The following TAB1 variants were observed in gnomAD, a reference collection of about 807,000 sequenced individuals.
TAB1 encodes TGF-beta activated kinase 1 (MAP3K7) binding protein 1, also known as TGF-beta-activated kinase 1 and MAP3K7-binding protein 1.
A neutral mutation model predicts 54.5 loss-of-function variants in TAB1; 30 were observed. The ratio of observed to expected loss-of-function variants is 0.55; its 90% CI spans 0.41 to 0.75. The LOEUF (loss-of-function observed/expected upper bound fraction) is 0.75. Ranked by LOEUF, TAB1 falls within the 30% of genes least tolerant of loss-of-function variation. The pLI is 0.00. For missense variants in TAB1, 609 were observed against 683.2 expected, an observed-to-expected ratio of 0.89 and a Z score of 1.21; for synonymous variants, 289 against 286.9, an observed-to-expected ratio of 1.01 and a Z score of -0.07.
In TAB1 at chr22:39,430,116, T is replaced by C. The variant is rs764892092; in HGVS notation, c.1409T>C (p.Leu470Pro). ...GLFRSRPAHS[L>P]PPGEDGRVEP... is the part of the protein sequence containing the mutation. The stretch of plus-strand genomic sequence containing the variant: ...TTCCGCTCCCGGCCCGCCCACTCGC[T>C]CCCGCCTGGCGAGGACGGTCGTGTT... Residue 470 changes from leucine to proline, a missense_variant, in exon 11 of 11, where the codon CTC becomes CCC. Transcript: ENST00000216160. The C allele has an allele frequency of 1.2e-6, 2 of 1,613,930 alleles. No homozygotes were observed. The highest frequency in any genetic ancestry group is 2.7e-5 in the African/African-American group (2 of 74,940).
intron 6 of TAB1, among the ~76,000 whole-genome samples, 196 bp downstream of exon 6, chr22:39,419,041 C>G (rs1349343935): frequency 6.6e-6 from 1 of 152,202 alleles, no homozygotes; most frequent in African/African-American, 2.4e-5. Context: ...CTCAGATCCC[C>G]CGCTGTGTAA....
chr22:39,415,422 C>A lies in TAB1; in HGVS notation c.171-78C>A. On this transcript the variant is annotated intron_variant, in intron 2 of 10. Coordinates refer to ENST00000216160, the MANE Select transcript of TAB1 (RefSeq NM_006116.3). The surrounding 1 kb of genome is among the most constrained non-coding windows in gnomAD (Gnocchi z 4.9). ...TGCAGCTGCTGTCGCTTTAGTCTCC[C>A]CCAATTCCTTTCCCTTTCTCCCTCC... The A allele has an allele frequency of 6.4e-7, 1 of 1,550,614 alleles. No homozygotes were observed. Among genetic ancestry groups the A allele is most frequent in the Non-Finnish European group, 8.8e-7 (1 of 1,130,986 alleles).
At chr22:39,422,445 G>C (rs1196720966) in intron 8 of TAB1, among the ~76,000 whole-genome samples, 4 of 118,270 alleles carry the variant, frequency 3.4e-5, no homozygotes, top group Non-Finnish European at 6.4e-5. Context: ...GTCTCCCTCT[G>C]TCACGCAGGC....
intron 5 of TAB1, among the ~76,000 whole-genome samples, chr22:39,418,419 C>G (rs1276598843): frequency 7.2e-5 from 11 of 152,182 alleles, no homozygotes; most frequent in Admixed American, 7.2e-4. Context: ...TTCTTTGTCC[C>G]CACGTTCTCT....
In TAB1 at chr22:39,428,027, GA is replaced by G. The variant is rs768169270; in HGVS notation, c.1152del (p.Gly385AspfsTer21). 1 of 1,592,060 alleles carries G rather than the reference GA, an allele frequency of 6.3e-7. No homozygotes were observed. On this transcript the variant is annotated frameshift_variant, in exon 10 of 11. Coordinates refer to ENST00000216160, the MANE Select transcript of TAB1 (RefSeq NM_006116.3). LOFTEE classifies it high-confidence loss of function. ...QPTPSPAPAA[G>X]GRVYPVSVPY... ...CACTCTCTTCCTCCCAAAGCTGCAG[GA>G]GGACGAGTGTACCCTGTGTCTGTGC...
intron 10 of TAB1, chr22:39,429,256 GGGGA>G (rs2145684181): frequency 1.0e-6 from 1 of 985,444 alleles, no homozygotes; most frequent in Admixed American, 6.1e-5. Context: ...AGAGATTGAA[GGGGA>G]GGGGGGCGAA....
At chr22:39,407,422 C>T (rs1490848439) in intron 1 of TAB1, among the ~76,000 whole-genome samples, 4 of 152,050 alleles carry the variant, frequency 2.6e-5, no homozygotes, top group African/African-American at 9.7e-5. Context: ...GGGCTAACAC[C>T]TCCAGTTCTG....
Position 39,407,811 on chromosome 22 carries a change from G to A in TAB1, c.34-7195G>A, listed in dbSNP as rs189045368. Among the ~76,000 whole-genome samples the A allele has an allele frequency of 2.1e-3, 322 of 151,996 alleles. 1 individual carries two copies. The highest frequency in any genetic ancestry group is 6.8e-3 in the African/African-American group (282 of 41,448). On this transcript the variant is annotated intron_variant, in intron 1 of 10. Coordinates refer to ENST00000216160, the MANE Select transcript of TAB1 (RefSeq NM_006116.3). ...AATTTTTTGTATTTTTAGTAGAGAC[G>A]GGTTTTCACCATGTTAGCCAGGATG...
In TAB1 at chr22:39,430,831, G is replaced by C; in HGVS notation, c.*609G>C. On this transcript the variant is annotated 3_prime_UTR_variant, in exon 11 of 11. Coordinates refer to ENST00000216160, the MANE Select transcript of TAB1 (RefSeq NM_006116.3). ...CTGGGGCCTGGGATGGCCACAGAAG[G>C]GGCAGGCCAGGTGGAAAGGAGCCAG... The C allele has an allele frequency of 1.0e-6, 1 of 991,292 alleles. No individual in the cohort carries two copies. Among genetic ancestry groups the C allele is most frequent in the Non-Finnish European group, 1.2e-6 (1 of 832,922 alleles). The allele number at this position is 991,292 out of a possible 1,614,324, so 61.4% of individuals were successfully genotyped here.
At chr22:39,410,690 A>AT (rs1366923549) in intron 1 of TAB1, among the ~76,000 whole-genome samples, 4 of 152,186 alleles carry the variant, frequency 2.6e-5, no homozygotes, top group Non-Finnish European at 5.9e-5. Flanking sequence ...AATAAATAAA[A>AT]GTCACCCAGT....
In TAB1 at chr22:39,413,426, T is replaced by C. The variant is rs541544223; in HGVS notation, c.34-1580T>C. The stretch of plus-strand genomic sequence containing the variant: ...CAATAAAGCTTTCAATACAATTTTT[T>C]TTTTTTTGAGACAGAATCTCACTCT... On this transcript the variant is annotated intron_variant, in intron 1 of 10. Transcript: ENST00000216160. Among the ~76,000 whole-genome samples, 22 of 152,242 alleles carry C rather than the reference T, an allele frequency of 1.4e-4. 1 individual carries two copies. Among genetic ancestry groups the C allele is most frequent in the Admixed American group, 1.2e-3 (18 of 15,292 alleles).
intron 1 of TAB1, among the ~76,000 whole-genome samples, chr22:39,410,349 C>T (rs1175670188): frequency 1.3e-5 from 2 of 152,188 alleles, no homozygotes; most frequent in Non-Finnish European, 2.9e-5. Context: ...CTCAAGTGAT[C>T]CACCTGCCTC....
In TAB1 at chr22:39,422,052, T is replaced by C. The variant is rs370346163; in HGVS notation, c.921+81T>C. ...ATGTGCTCACCCTGCCTTCTAGCAC[T>C]GTGATTCTCGGAGGCCGTCACCAGA... On this transcript the variant is annotated intron_variant, in intron 8 of 10. Coordinates refer to ENST00000216160, the MANE Select transcript of TAB1 (RefSeq NM_006116.3). The C allele has an allele frequency of 3.4e-5, 44 of 1,279,200 alleles. 1 individual carries two copies. In the East Asian group the frequency reaches 1.1e-3, roughly 33 times the overall value. 79.2% of individuals were successfully genotyped at this position (1,279,200 alleles called of 1,614,324 possible).
At chr22:39,426,682 T>G in intron 8 of TAB1, 21 bp from the exon 9 acceptor site, 1 of 1,582,474 alleles carries the variant, frequency 6.3e-7, no homozygotes, top group East Asian at 2.3e-5. Flanking sequence ...CTTACCAGGT[T>G]CTTCCTACCC....
intron 10 of TAB1, among the ~76,000 whole-genome samples, chr22:39,428,812 A>G (rs1927462254): frequency 6.6e-6 from 1 of 152,254 alleles, no homozygotes; most frequent in African/African-American, 2.4e-5. Flanking sequence ...TGGAGTGCGC[A>G]GGATGTGGCC....
chr22:39,412,402 G>C (rs1926643829), intron 1 of TAB1, among the ~76,000 whole-genome samples: 1 of 152,198 alleles, frequency 6.6e-6, no homozygotes, highest in South Asian at 2.1e-4. Flanking sequence ...CCAGGGATTA[G>C]GGGAGGGAGT....
rs781560945 is a variant in TAB1, at chr22:39,417,803, C to T, written c.504C>T (p.Ala168=). The T allele has an allele frequency of 7.4e-6, 12 of 1,613,062 alleles. No individual in the cohort carries two copies. The highest frequency in any genetic ancestry group is 5.5e-5 in the South Asian group (5 of 90,868). ...GGGAAATTTCGGGAGGGGCCATGGCCGTTGTGGCGGTCCTTCTCAACAACA... is the reference window on the plus strand; with the variant it reads ...GGGAAATTTCGGGAGGGGCCATGGCTGTTGTGGCGGTCCTTCTCAACAACA... ...LEREISGGAM[A]VVAVLLNNKL... The change falls in exon 5 of 11, where the codon GCC becomes GCT. Residue 168 remains alanine, a synonymous_variant. Coordinates refer to ENST00000216160, the MANE Select transcript of TAB1 (RefSeq NM_006116.3).
downstream of TAB1, among the ~76,000 whole-genome samples, chr22:39,434,582 A>G (rs1898635755): frequency 6.6e-6 from 1 of 152,252 alleles, no homozygotes; most frequent in African/African-American, 2.4e-5. Context: ...CCGAGCAGAG[A>G]CAGGCGCTTG....
intron 10 of TAB1, among the ~76,000 whole-genome samples, chr22:39,428,554 T>C (rs1350247699): frequency 6.6e-6 from 1 of 152,194 alleles, no homozygotes; most frequent in Non-Finnish European, 1.5e-5. Flanking sequence ...TTCTGGCTAA[T>C]GTGCTTGATT....
Sources: allele counts gnomAD v4.1 joint callset (sites outside exome capture counted in the v4.1 genomes callset), GRCh38; gene constraint gnomAD v4.1.1; non-coding constraint Gnocchi (gnomAD v3.1); transcripts MANE v1.5; gene names NCBI Gene and HGNC (gene_info 2026-07-23, HGNC 2026-07-21).